The following PAM variants were observed in gnomAD, a reference collection of about 807,000 sequenced individuals.
The protein encoded by PAM is peptidylglycine alpha-amidating monooxygenase.
In PAM, 72 loss-of-function variants were observed where a neutral mutation model predicts 122.1. That is an observed-to-expected ratio of 0.59 (90% CI 0.49 to 0.72). The LOEUF (loss-of-function observed/expected upper bound fraction) is 0.72, where lower values mean the gene tolerates loss of function less well. Ranked by LOEUF, PAM falls within the 30% of genes least tolerant of loss-of-function variation. PAM has a pLI of 0.00. For missense variants in PAM, 1,106 were observed against 1,183.7 expected, an observed-to-expected ratio of 0.93 and a Z score of 0.96; for synonymous variants, 389 against 404.4, an observed-to-expected ratio of 0.96 and a Z score of 0.46.
At chr5:102,805,336 GTGA>G (rs1482814967) in intron 1 of PAM, among the ~76,000 whole-genome samples, 1 of 152,142 alleles carries the variant, frequency 6.6e-6, no homozygotes, top group African/African-American at 2.4e-5. Context: ...CCAATGTGCT[GTGA>G]TTATAGGCAT....
chr5:102,774,047 C>T (rs1439302127), intron 1 of PAM, among the ~76,000 whole-genome samples: 1 of 152,102 alleles, frequency 6.6e-6, no homozygotes, highest in Non-Finnish European at 1.5e-5. Flanking sequence ...GACATGATCT[C>T]ATTCTTTTTT....
chr5:102,910,831 TTAAGA>T (rs1450170575), intron 4 of PAM, among the ~76,000 whole-genome samples: 1 of 151,918 alleles, frequency 6.6e-6, no homozygotes, highest in Non-Finnish European at 1.5e-5. Flanking sequence ...ACATTTCTTT[TTAAGA>T]TGTTATTCTA....
chr5:102,777,280 C>T (rs1757418177), intron 1 of PAM, among the ~76,000 whole-genome samples: 2 of 152,164 alleles, frequency 1.3e-5, no homozygotes, highest in Admixed American at 6.5e-5. Flanking sequence ...TCTGCCTTGA[C>T]TATGCTGTTT....
upstream of PAM, chr5:102,755,109 G>T (rs564274583): frequency 6.9e-3 from 1,055 of 152,550 alleles, 9 homozygotes; most frequent in Non-Finnish European, 0.013. Flanking sequence ...GGCGAGCGCG[G>T]GGCTGGCCCG....
chr5:102,819,757 G>A (rs1771113966), intron 1 of PAM, among the ~76,000 whole-genome samples: 3 of 152,280 alleles, frequency 2.0e-5, no homozygotes, highest in Middle Eastern at 3.4e-3. Context: ...TACATGGTAT[G>A]TCTCGTACTC....
At position 102,913,927 on chromosome 5, in the gene PAM, G is replaced by GT. The variant is rs772489632; in HGVS notation, c.269-6dup. 14 of 1,560,820 alleles carry GT rather than the reference G, an allele frequency of 9.0e-6. No homozygotes were observed. The East Asian group carries it at 3.1e-4, about 35-fold the overall frequency. On this transcript the variant is annotated splice_region_variant and splice_polypyrimidine_tract_variant and intron_variant, in intron 4 of 25. Coordinates refer to ENST00000438793, the MANE Select transcript of PAM (RefSeq NM_001177306.2). ...ATTCACATACATGTATTATTTTCTC[G>GT]TAACAGTTGACTTCAAGCCTCGAGC...
At chr5:103,002,035 C>G (rs777970893) in intron 16 of PAM, among the ~76,000 whole-genome samples, 1 of 151,934 alleles carries the variant, frequency 6.6e-6, no homozygotes, top group African/African-American at 2.4e-5. Flanking sequence ...CACACACACA[C>G]ATACACACAC....
At chr5:102,888,584 A>G (rs1161130584) in intron 3 of PAM, among the ~76,000 whole-genome samples, 1 of 151,714 alleles carries the variant, frequency 6.6e-6, no homozygotes, top group Non-Finnish European at 1.5e-5. Flanking sequence ...TCACCTCTGT[A>G]CCTAATAGTC....
intron 16 of PAM, among the ~76,000 whole-genome samples, chr5:102,998,530 A>G (rs545421341): frequency 6.6e-6 from 1 of 152,346 alleles, no homozygotes; most frequent in South Asian, 2.1e-4. Flanking sequence ...GTAACTTTTC[A>G]TATTCCACAG....
chr5:102,936,238 G>A (rs1211181332), intron 7 of PAM, among the ~76,000 whole-genome samples: 2 of 151,936 alleles, frequency 1.3e-5, no homozygotes, highest in Admixed American at 6.6e-5. Context: ...AATCAGCTAT[G>A]GTGGAAAAAT....
intron 3 of PAM, among the ~76,000 whole-genome samples, chr5:102,896,550 C>T (rs972230773): frequency 6.6e-6 from 1 of 151,544 alleles, no homozygotes; most frequent in African/African-American, 2.4e-5. Flanking sequence ...GACACTGTTA[C>T]AAGATTACAT....
chr5:102,853,986 A>C (rs1430308328), intron 1 of PAM, among the ~76,000 whole-genome samples: 1 of 152,226 alleles, frequency 6.6e-6, no homozygotes, highest in Non-Finnish European at 1.5e-5. Flanking sequence ...TTTGCTAATA[A>C]ATACCAGAAG....
At chr5:102,904,931 C>A (rs181253558) in intron 4 of PAM, among the ~76,000 whole-genome samples, 22 of 151,596 alleles carry the variant, frequency 1.5e-4, no homozygotes, top group African/African-American at 5.1e-4. Flanking sequence ...TGTGTATATG[C>A]CTGTTATATT....
chr5:102,819,699 TG>T (rs1367348824), intron 1 of PAM, among the ~76,000 whole-genome samples: 4 of 152,190 alleles, frequency 2.6e-5, no homozygotes, highest in Non-Finnish European at 4.4e-5. Flanking sequence ...TTTTGTTTTT[TG>T]GCCAGTACTA....
At chr5:102,949,457 C>T (rs1758055860) in intron 9 of PAM, 80 bp from the exon 10 acceptor site, 1 of 794,492 alleles carries the variant, frequency 1.3e-6, no homozygotes, top group South Asian at 1.4e-5. Flanking sequence ...CTTGTGAATA[C>T]CCTATGCATA....
rs181394614 is a variant in PAM, at chr5:102,887,292, T to G, written c.211-14064T>G. Among the ~76,000 whole-genome samples the G allele has an allele frequency of 1.5e-3, 223 of 152,074 alleles. 1 individual carries two copies. Among genetic ancestry groups the G allele is most frequent in the Admixed American group, 2.5e-3 (38 of 15,236 alleles). ...TTGTTCGAAATTGTGCCTCCCTTTG[T>G]TTCTCTCTCTTGCCTCCTCTCTTAC... On this transcript the variant is annotated intron_variant, in intron 3 of 25. Transcript: ENST00000438793.
intron 1 of PAM, among the ~76,000 whole-genome samples, chr5:102,788,048 A>G (rs914340980): frequency 2.0e-5 from 3 of 152,236 alleles, no homozygotes; most frequent in Non-Finnish European, 4.4e-5. Context: ...GGAAAGTCCT[A>G]TTTCAGTTCA....
At position 102,773,958 on chromosome 5, in the gene PAM, A is replaced by G. The variant is rs1456850839; in HGVS notation, c.-374+18610A>G. The stretch of plus-strand genomic sequence containing the variant: ...ATTTAGCCCCCACTTATAAGTGAGA[A>G]CATAAGGTATTTGGTTTTCTGTTCC... On this transcript the variant is annotated intron_variant, in intron 1 of 25. Transcript: ENST00000438793. Among the ~76,000 whole-genome samples, 4 of 152,198 alleles carry G rather than the reference A, an allele frequency of 2.6e-5. No individual in the cohort carries two copies. In the East Asian group the frequency reaches 5.8e-4, roughly 22 times the overall value.
At chr5:102,840,894 C>T (rs1481777405) in intron 1 of PAM, among the ~76,000 whole-genome samples, 1 of 151,926 alleles carries the variant, frequency 6.6e-6, no homozygotes, top group Non-Finnish European at 1.5e-5. Flanking sequence ...TATGACCAGC[C>T]AAAAATTAGA....
Sources: allele counts gnomAD v4.1 joint callset (sites outside exome capture counted in the v4.1 genomes callset), GRCh38; gene constraint gnomAD v4.1.1; transcripts MANE v1.5; gene names NCBI Gene and HGNC (gene_info 2026-07-23, HGNC 2026-07-21).